Variants in STKLD1 observed in about 807,000 individuals in gnomAD.
STKLD1 encodes serine/threonine kinase-like domain-containing protein STKLD1.
STKLD1 carries 79 observed loss-of-function variants against 80.4 expected under a neutral mutation model. That is an observed-to-expected ratio of 0.98 (90% CI 0.82 to 1.19). The LOEUF is 1.19. Ranked by LOEUF, STKLD1 falls within the 50% of genes most tolerant of loss-of-function variation. STKLD1 has a pLI of 0.00. For synonymous variants in STKLD1, 393 were observed against 357.6 expected, an observed-to-expected ratio of 1.10 and a Z score of -1.12; for missense variants, 841 against 856.0, an observed-to-expected ratio of 0.98 and a Z score of 0.22.
At chr9:133,386,461 G>A (rs1399051802) in intron 4 of STKLD1, among the ~76,000 whole-genome samples, 2 of 152,190 alleles carry the variant, frequency 1.3e-5, no homozygotes, top group African/African-American at 2.4e-5. Context: ...CACCGGTGCC[G>A]TCCTGGGCCT....
Position 133,389,244 on chromosome 9 carries a change from G to T in STKLD1, c.397-282G>T, listed in dbSNP as rs1838329559. On this transcript the variant is annotated intron_variant, in intron 5 of 17. Coordinates refer to ENST00000371957, the MANE Select transcript of STKLD1 (RefSeq NM_153710.5). This position sits in a 1 kb window ranked among gnomAD's most constrained non-coding sequence, Gnocchi z 6.4. ...GTGGGGCAGCGCGGGCCACAGAGTA[G>T]GGTGCAGGGATGGGGCCCCTGCAGC... 1 of 985,416 alleles carries T rather than the reference G, an allele frequency of 1.0e-6. No homozygotes were observed. Among genetic ancestry groups the T allele is most frequent in the South Asian group, 4.7e-5 (1 of 21,288 alleles). 61.0% of individuals were successfully genotyped at this position (985,416 alleles called of 1,614,324 possible). A position where few individuals can be genotyped will look rare whatever the true frequency, so the allele number is the denominator to read the frequency against.
intron 1 of STKLD1, 35 bp from the exon 2 acceptor site, chr9:133,379,001 C>T (rs2130259153): frequency 6.3e-7 from 1 of 1,587,264 alleles, no homozygotes; most frequent in Admixed American, 1.7e-5. Flanking sequence ...AAGTTGTGTG[C>T]ATTTCCTGAA....
intron 14 of STKLD1, 115 bp from the exon 15 acceptor site, chr9:133,403,585 A>G (rs1220508848): frequency 4.4e-6 from 6 of 1,352,888 alleles, no homozygotes; most frequent in Non-Finnish European, 6.0e-6. Context: ...GACCTTTCCC[A>G]CCCCATTTCT....
intron 11 of STKLD1, among the ~76,000 whole-genome samples, chr9:133,399,570 C>A (rs144899631): frequency 6.6e-6 from 1 of 152,218 alleles, no homozygotes; most frequent in African/African-American, 2.4e-5. Context: ...CCTCCCTCCA[C>A]GCCTTGCTTA....
At chr9:133,391,124 G>A (rs1838380330) in intron 7 of STKLD1, among the ~76,000 whole-genome samples, 1 of 152,088 alleles carries the variant, frequency 6.6e-6, no homozygotes, top group South Asian at 2.1e-4. Context: ...AAATGCCCAG[G>A]ACGGAGGGAG....
intron 13 of STKLD1, 23 bp from the exon 14 acceptor site, chr9:133,402,854 GC>G: frequency 6.3e-7 from 1 of 1,592,476 alleles, no homozygotes; most frequent in Admixed American, 1.7e-5. Context: ...GGGCCCTGGG[GC>G]CCTCATTCTG....
intron 2 of STKLD1, among the ~76,000 whole-genome samples, chr9:133,383,268 G>A (rs1838184849): frequency 2.2e-5 from 1 of 45,686 alleles, no homozygotes; most frequent in Non-Finnish European, 4.8e-5. Context: ...TTGGAGTGAT[G>A]GTGGTAATGG....
Position 133,390,584 on chromosome 9 carries a change from A to G in STKLD1, c.468-97A>G. On this transcript the variant is annotated intron_variant, in intron 6 of 17. Coordinates refer to ENST00000371957, the MANE Select transcript of STKLD1 (RefSeq NM_153710.5). The surrounding 1 kb of genome is among the most constrained non-coding windows in gnomAD (Gnocchi z 5.1). ...CAGGTGGGGCAGGGAGCAGAGAGTC[A>G]GGCTCAGCACACACACTGGTCCCAC... The G allele has an allele frequency of 2.4e-6, 2 of 831,240 alleles. No homozygotes were observed. The highest frequency in any genetic ancestry group is 4.1e-6 in the Non-Finnish European group (2 of 491,694). 51.5% of individuals were successfully genotyped at this position (831,240 alleles called of 1,614,324 possible). A position where few individuals can be genotyped will look rare whatever the true frequency, so the allele number is the denominator to read the frequency against.
chr9:133,382,280 G>A (rs1172645420), intron 2 of STKLD1, among the ~76,000 whole-genome samples: 1 of 152,250 alleles, frequency 6.6e-6, no homozygotes, highest in Non-Finnish European at 1.5e-5. Context: ...ATCCTTTACT[G>A]AGTTCTTGGA....
intron 17 of STKLD1, 141 bp from the exon 18 acceptor site, chr9:133,405,111 C>T (rs1324406985): frequency 1.5e-5 from 20 of 1,305,634 alleles, no homozygotes; most frequent in Non-Finnish European, 1.8e-5. Flanking sequence ...CTGAGGGTGA[C>T]GCTTGGGGCT....
At chr9:133,395,944 G>A (rs1554776680) in intron 9 of STKLD1, 181 bp downstream of exon 9, 16 of 617,606 alleles carry the variant, frequency 2.6e-5, no homozygotes, top group Admixed American at 1.2e-4. Flanking sequence ...GTGCTGCGGC[G>A]AGTAATCCCG....
In STKLD1 at chr9:133,387,037, T is replaced by C. The variant is rs192548991; in HGVS notation, c.295-410T>C. On this transcript the variant is annotated intron_variant, in intron 4 of 17. Coordinates refer to ENST00000371957, the MANE Select transcript of STKLD1 (RefSeq NM_153710.5). ...TTTCCCTATGGGAGGGAGCACAGAA[T>C]TGGGGGCCCTGACCTGGTCTGCTGG... Among the ~76,000 whole-genome samples, 378 of 152,280 alleles carry C rather than the reference T, an allele frequency of 2.5e-3. 2 individuals are homozygous for C. Among genetic ancestry groups the C allele is most frequent in the Middle Eastern group, 6.8e-3 (2 of 294 alleles).
chr9:133,399,922 C>A (rs1050172590), intron 11 of STKLD1, among the ~76,000 whole-genome samples: 1 of 151,566 alleles, frequency 6.6e-6, no homozygotes, highest in Non-Finnish European at 1.5e-5. Flanking sequence ...TCGCTCCACA[C>A]TCCAGGTGCC....
In STKLD1 at chr9:133,387,859, G is replaced by A. The variant is rs2130281108; in HGVS notation, c.396+311G>A. The A allele has an allele frequency of 2.0e-5, 10 of 509,260 alleles. 1 individual carries two copies. The highest frequency in any genetic ancestry group is 9.2e-5 in the South Asian group (6 of 65,020). 31.5% of individuals were successfully genotyped at this position (509,260 alleles called of 1,614,324 possible). ...GAAGTTCCTGTAAATGGACTCGTCC[G>A]GCATGCTGCCACTCCTGTCTGGTCT... is the stretch of plus-strand genomic sequence containing the variant. On this transcript the variant is annotated intron_variant, in intron 5 of 17. Coordinates refer to ENST00000371957, the MANE Select transcript of STKLD1 (RefSeq NM_153710.5).
At chr9:133,392,467 A>G (rs1359054300) in intron 7 of STKLD1, among the ~76,000 whole-genome samples, 3 of 141,908 alleles carry the variant, frequency 2.1e-5, no homozygotes, top group African/African-American at 5.2e-5. Context: ...TGGATGGATG[A>G]TGGGTGGGTG....
Position 133,397,247 on chromosome 9 carries a change from C to T in STKLD1, c.950C>T (p.Ala317Val), listed in dbSNP as rs377178189. The change falls in exon 10 of 18, where the codon GCG (alanine) becomes GTG (valine). Residue 317 changes from alanine to valine, a missense_variant. Ala to Val is a moderately conservative substitution (Grantham distance 64). Transcript: ENST00000371957. ...ACCCTGCACCGGCAGATGGTGCCTGCGTCCATCACCGACATGCTGTTAGAA... is the reference window on the plus strand; with the variant it reads ...ACCCTGCACCGGCAGATGGTGCCTGTGTCCATCACCGACATGCTGTTAGAA... ...SLTLHRQMVP[A>V]SITDMLLEGN... 2.9e-5 allele frequency: 46 copies of T among 1,613,726 alleles called. No individual in the cohort carries two copies. Among genetic ancestry groups the T allele is most frequent in the Non-Finnish European group, 3.6e-5 (42 of 1,180,022 alleles).
chr9:133,393,341 T>TG (rs370393223), intron 7 of STKLD1, among the ~76,000 whole-genome samples: 226 of 12,562 alleles, frequency 0.018, 2 homozygotes, highest in African/African-American at 0.062. Flanking sequence ...GATAGGTGGG[T>TG]GGGTGGGTGG....
At chr9:133,382,564 A>G (rs2130269244) in intron 2 of STKLD1, among the ~76,000 whole-genome samples, 1 of 149,468 alleles carries the variant, frequency 6.7e-6, no homozygotes, top group East Asian at 2.0e-4. Flanking sequence ...TGGTGTGATG[A>G]TGGTGATGGT....
At chr9:133,393,224 A>ATGGT (rs1838455902) in intron 7 of STKLD1, among the ~76,000 whole-genome samples, 1 of 119,824 alleles carries the variant, frequency 8.3e-6, no homozygotes, top group African/African-American at 3.2e-5. Context: ...GGATGGATGG[A>ATGGT]TGGTTGGACG....
Sources: gnomAD v4.1 joint callset for allele counts (sites outside exome capture counted in the v4.1 genomes callset) on GRCh38, gnomAD v4.1.1 for gene constraint, Gnocchi (gnomAD v3.1) non-coding constraint, MANE v1.5 for transcripts, NCBI Gene and HGNC (gene_info 2026-07-23, HGNC 2026-07-21) for gene names.